SLC12A6: variants seen among roughly 807,000 people sequenced by gnomAD.
SLC12A6 encodes the protein K-Cl cotransporter 3.
SLC12A6 carries 66 observed loss-of-function variants against 135.3 expected under a neutral mutation model. That is an observed-to-expected ratio of 0.49 (90% CI 0.40 to 0.60). The LOEUF is 0.60. Ranked by LOEUF, SLC12A6 falls within the 20% of genes least tolerant of loss-of-function variation. The pLI, the probability that SLC12A6 is intolerant of heterozygous loss-of-function variation, is 0.00. For synonymous variants in SLC12A6, 513 were observed against 508.8 expected, an observed-to-expected ratio of 1.01 and a Z score of -0.11; for missense variants, 1,058 against 1,452.3, an observed-to-expected ratio of 0.73 and a Z score of 4.41.
At position 34,252,255 on chromosome 15, in the gene SLC12A6, GA is replaced by G; in HGVS notation, c.1247del (p.Phe416SerfsTer27). 1 of 1,608,836 alleles carries G rather than the reference GA, an allele frequency of 6.2e-7. No homozygotes were observed. Among genetic ancestry groups the G allele is most frequent in the Non-Finnish European group, 8.5e-7 (1 of 1,175,240 alleles). ...WGFFCNSSQF[F>X]NATCDEYFVH... ...CAAAGTATTCATCACAGGTGGCATT[GA>G]AAAATTGACTCGAGTTACAGAAGAA... is the stretch of plus-strand genomic sequence containing the variant. On this transcript the variant is annotated frameshift_variant, in exon 10 of 26. Transcript: ENST00000354181. LOFTEE classifies it high-confidence loss of function.
chr15:34,284,430 CGCCCAGCTA>C (rs1566838666), intron 2 of SLC12A6, among the ~76,000 whole-genome samples: 1 of 151,744 alleles, frequency 6.6e-6, no homozygotes, highest in Non-Finnish European at 1.5e-5. Flanking sequence ...CCGCCCACCA[CGCCCAGCTA>C]ATTTTTGTAT....
At chr15:34,293,428 C>T (rs914078587) in intron 2 of SLC12A6, among the ~76,000 whole-genome samples, 10 of 152,232 alleles carry the variant, frequency 6.6e-5, no homozygotes, top group Admixed American at 2.0e-4. Flanking sequence ...CCTCACCTCC[C>T]GAGTAGCTGA....
At chr15:34,294,605 T>C (rs1472528774) in intron 2 of SLC12A6, among the ~76,000 whole-genome samples, 1 of 152,062 alleles carries the variant, frequency 6.6e-6, no homozygotes, top group Admixed American at 6.6e-5. Flanking sequence ...TCTTGTTCTG[T>C]TGCTCATGAT....
intron 2 of SLC12A6, among the ~76,000 whole-genome samples, chr15:34,303,837 T>G (rs558577757): frequency 1.3e-5 from 2 of 152,212 alleles, no homozygotes; most frequent in Admixed American, 1.3e-4. Context: ...TCTTGGACTT[T>G]CCAGCCTCCA....
rs148592278 is a variant in SLC12A6, at chr15:34,234,656, G to A, written c.3361+525C>T. On this transcript the variant is annotated intron_variant, in intron 25 of 25. Transcript: ENST00000354181. ...CAAAGTGCTGGGATTACAGGCATGA[G>A]CCACCACACCTGGCCTAAACCTCTT... 4.1e-3 allele frequency among the ~76,000 whole-genome samples: 623 copies of A among 152,314 alleles called. 6 individuals carry two copies. The highest frequency in any genetic ancestry group is 0.014 in the African/African-American group (589 of 41,568).
intron 4 of SLC12A6, 68 bp downstream of exon 4, chr15:34,260,858 G>A (rs1893070937): frequency 2.6e-6 from 2 of 782,074 alleles, no homozygotes; most frequent in Admixed American, 1.8e-5. Context: ...ACCAAATGGG[G>A]TAAAATATGG....
chr15:34,320,858 A>C (rs957492520), intron 2 of SLC12A6, among the ~76,000 whole-genome samples: 5 of 151,992 alleles, frequency 3.3e-5, no homozygotes, highest in Non-Finnish European at 7.4e-5. Context: ...GCAGTGAGCC[A>C]AGATCACGTC....
chr15:34,299,064 C>T (rs549746404), intron 2 of SLC12A6, among the ~76,000 whole-genome samples: 1 of 152,186 alleles, frequency 6.6e-6, no homozygotes, highest in Non-Finnish European at 1.5e-5. Context: ...TTGTAATCTA[C>T]ATCATGTGTG....
At chr15:34,272,420 A>G (rs1020238435) in intron 3 of SLC12A6, among the ~76,000 whole-genome samples, 1 of 152,226 alleles carries the variant, frequency 6.6e-6, no homozygotes, top group Non-Finnish European at 1.5e-5. Flanking sequence ...GGCTACAGCT[A>G]AAACAAAGAT....
At chr15:34,239,668 T>TTA (rs778802540) in intron 19 of SLC12A6, among the ~76,000 whole-genome samples, 1 of 152,188 alleles carries the variant, frequency 6.6e-6, no homozygotes, top group Non-Finnish European at 1.5e-5. Context: ...TTAATGGTGA[T>TTA]TATTCATGAC....
At chr15:34,271,844 G>C (rs80190937) in intron 3 of SLC12A6, among the ~76,000 whole-genome samples, 2,337 of 152,282 alleles carry the variant, frequency 0.015, 67 homozygotes, top group African/African-American at 0.054. Context: ...GCAAAGGTCT[G>C]AAAGATGTTA....
At chr15:34,274,575 G>C (rs1894170969) in intron 3 of SLC12A6, among the ~76,000 whole-genome samples, 1 of 152,150 alleles carries the variant, frequency 6.6e-6, no homozygotes, top group Non-Finnish European at 1.5e-5. Flanking sequence ...AGCATTTTGG[G>C]AGGCAGAGGT....
intron 23 of SLC12A6, among the ~76,000 whole-genome samples, 158 bp downstream of exon 23, chr15:34,236,550 G>A (rs1421833227): frequency 6.6e-6 from 1 of 151,956 alleles, no homozygotes; most frequent in Non-Finnish European, 1.5e-5. Context: ...CACCATCTTG[G>A]CCAGGCTGGT....
chr15:34,242,570 T>C (rs183661296), intron 16 of SLC12A6, among the ~76,000 whole-genome samples: 7 of 152,258 alleles, frequency 4.6e-5, no homozygotes, highest in Non-Finnish European at 8.8e-5. Flanking sequence ...CGGAACACTA[T>C]CAGTCATCTG....
At chr15:34,277,161 G>A (rs936172928) in intron 2 of SLC12A6, among the ~76,000 whole-genome samples, 14 of 152,206 alleles carry the variant, frequency 9.2e-5, no homozygotes, top group African/African-American at 3.4e-4. Flanking sequence ...GGGGCTGGGT[G>A]CAGTGGCTCC....
chr15:34,298,649 A>T (rs1896042427), intron 2 of SLC12A6, among the ~76,000 whole-genome samples: 1 of 152,088 alleles, frequency 6.6e-6, no homozygotes, highest in Non-Finnish European at 1.5e-5. Context: ...GATTTAATAT[A>T]CCTAACATAA....
At chr15:34,326,826 G>A (rs919301405) in intron 2 of SLC12A6, among the ~76,000 whole-genome samples, 1 of 147,532 alleles carries the variant, frequency 6.8e-6, no homozygotes, top group African/African-American at 2.5e-5. Context: ...CAAGTAGCTG[G>A]GACTACAGGT....
intron 3 of SLC12A6, among the ~76,000 whole-genome samples, chr15:34,266,667 A>C (rs1214379681): frequency 1.3e-5 from 2 of 152,114 alleles, no homozygotes; most frequent in African/African-American, 4.8e-5. Context: ...CCTAGACTCA[A>C]GCCATCAGCC....
intron 2 of SLC12A6, among the ~76,000 whole-genome samples, chr15:34,291,444 C>T (rs1895522898): frequency 6.6e-6 from 1 of 152,210 alleles, no homozygotes; most frequent in African/African-American, 2.4e-5. Context: ...CTTGGTGAAT[C>T]TGACAATTAA....
Sources: gnomAD v4.1 joint callset for allele counts (sites outside exome capture counted in the v4.1 genomes callset) on GRCh38, gnomAD v4.1.1 for gene constraint, MANE v1.5 for transcripts, NCBI Gene and HGNC (gene_info 2026-07-23, HGNC 2026-07-21) for gene names.